Variants in PAN3 observed in about 807,000 individuals in gnomAD.
The protein encoded by PAN3 is poly(A) specific ribonuclease subunit PAN3.
Under a neutral mutation model 96.2 loss-of-function variants are expected in PAN3, and 19 were observed. The ratio of observed to expected loss-of-function variants is 0.20; its 90% CI spans 0.14 to 0.29. PAN3 has a LOEUF of 0.29. Ranked by LOEUF, PAN3 falls within the 10% of genes least tolerant of loss-of-function variation. The pLI is 1.00. For synonymous variants in PAN3, 433 were observed against 406.6 expected, an observed-to-expected ratio of 1.06 and a Z score of -0.78; for missense variants, 882 against 1,108.1, an observed-to-expected ratio of 0.80 and a Z score of 2.90.
At chr13:28,220,566 T>C (rs1429938699) in intron 6 of PAN3, among the ~76,000 whole-genome samples, 188 bp downstream of exon 6, 1 of 152,148 alleles carries the variant, frequency 6.6e-6, no homozygotes, top group African/African-American at 2.4e-5. Flanking sequence ...AATTTAAATA[T>C]GAATGAAATT....
At chr13:28,234,716 C>G (rs1202723149) in intron 6 of PAN3, among the ~76,000 whole-genome samples, 7 of 152,088 alleles carry the variant, frequency 4.6e-5, no homozygotes, top group Non-Finnish European at 1.0e-4. Flanking sequence ...AACTGATCAT[C>G]TTCCTCTTGA....
In PAN3 at chr13:28,267,176, G is replaced by A. The variant is rs1886252496; in HGVS notation, c.1655G>A (p.Arg552His). ...KIQHSNIVTL[R>H]EVFTTKAFAE... ...CAACACTCAAATATCGTAACTTTGC[G>A]TGAAGTATTTACCACTAAAGCATTT... Residue 552 changes from arginine to histidine, a missense_variant, in exon 11 of 19, where the codon CGT (arginine) becomes CAT (histidine). By Grantham distance (29) the Arg-to-His change is conservative (BLOSUM62 0). Around this residue, in one of 3 missense-constraint regions of PAN3, gnomAD observed 364 missense variants for 513.6 expected, o/e 0.71. Coordinates refer to ENST00000380958, the MANE Select transcript of PAN3 (RefSeq NM_175854.8). 8 of 1,612,980 alleles carry A rather than the reference G, an allele frequency of 5.0e-6. No homozygotes were observed. The highest frequency in any genetic ancestry group is 4.0e-5 in the African/African-American group (3 of 74,882).
At chr13:28,188,262 A>C (rs1876751880) in intron 4 of PAN3, among the ~76,000 whole-genome samples, 1 of 151,820 alleles carries the variant, frequency 6.6e-6, no homozygotes, top group Admixed American at 6.6e-5. Context: ...TTTTTTTGCA[A>C]CCTCCTCTGA....
intron 1 of PAN3, 68 bp downstream of exon 1, chr13:28,139,155 T>G: frequency 8.0e-7 from 1 of 1,245,116 alleles, no homozygotes; most frequent in Non-Finnish European, 1.0e-6. Flanking sequence ...GAGGCCCTGC[T>G]GCCGACGGGA....
At chr13:28,230,447 A>G (rs1882423246) in intron 6 of PAN3, among the ~76,000 whole-genome samples, 1 of 152,168 alleles carries the variant, frequency 6.6e-6, no homozygotes, top group Admixed American at 6.5e-5. Flanking sequence ...TGGTTCTGGA[A>G]CTAGTAATCA....
At chr13:28,179,558 T>TA (rs1201064597) in intron 4 of PAN3, among the ~76,000 whole-genome samples, 2 of 151,538 alleles carry the variant, frequency 1.3e-5, no homozygotes, top group African/African-American at 4.9e-5. Context: ...CTTATAAAAA[T>TA]AAAAAAAATT....
chr13:28,202,025 C>T (rs1566182431), intron 5 of PAN3, among the ~76,000 whole-genome samples: 1 of 152,042 alleles, frequency 6.6e-6, no homozygotes, highest in Non-Finnish European at 1.5e-5. Context: ...ATATTCCTTC[C>T]TTGCCTTCTC....
At chr13:28,215,639 A>G (rs1296069851) in intron 5 of PAN3, 24 of 1,292,158 alleles carry the variant, frequency 1.9e-5, no homozygotes, top group Non-Finnish European at 2.4e-5. Flanking sequence ...AGCTGAAGGT[A>G]AAGATTTATT....
chr13:28,289,874 T>G (rs1177114707), intron 18 of PAN3, among the ~76,000 whole-genome samples: 3 of 151,786 alleles, frequency 2.0e-5, no homozygotes, highest in Non-Finnish European at 4.4e-5. Context: ...AGAGCGAGAC[T>G]CCGTCTCAAA....
At chr13:28,158,967 GATTATT>G (rs1218460073) in intron 1 of PAN3, among the ~76,000 whole-genome samples, 1 of 151,964 alleles carries the variant, frequency 6.6e-6, no homozygotes, top group South Asian at 2.1e-4. Flanking sequence ...CAGTCAGAAT[GATTATT>G]ATTAAAAAAT....
At chr13:28,218,449 T>G (rs1317282079) in intron 5 of PAN3, among the ~76,000 whole-genome samples, 2 of 152,160 alleles carry the variant, frequency 1.3e-5, no homozygotes, top group East Asian at 3.9e-4. Flanking sequence ...AAGGAGAGTT[T>G]TAGGTCATCA....
chr13:28,164,662 A>T (rs902211298), intron 1 of PAN3, among the ~76,000 whole-genome samples: 4 of 152,244 alleles, frequency 2.6e-5, no homozygotes, highest in African/African-American at 9.6e-5. Context: ...GAAGTTGTAC[A>T]GTAAAGAAAT....
chr13:28,138,484 CCTCCCCT>C (rs1165570724), upstream of PAN3: 1 of 239,808 alleles, frequency 4.2e-6, no homozygotes, highest in African/African-American at 2.3e-5. Context: ...CCCCCTCCTC[CCTCCCCT>C]CTCCCCTCCC....
chr13:28,139,338 T>G (rs1869288743), intron 1 of PAN3, among the ~76,000 whole-genome samples: 2 of 31,518 alleles, frequency 6.3e-5, no homozygotes, highest in African/African-American at 1.3e-4. Context: ...ACTGGGGTGA[T>G]GTGAAGGGGG....
chr13:28,257,785 TAATATATAATTAATATATAAA>T, intron 7 of PAN3, among the ~76,000 whole-genome samples: 2 of 139,814 alleles, frequency 1.4e-5, no homozygotes, highest in Non-Finnish European at 3.0e-5. Flanking sequence ...AAATTATATA[TAATATATAATTAATATATAAA>T]ATTATATAAA....
chr13:28,244,168 A>G (rs1302337624), intron 6 of PAN3, among the ~76,000 whole-genome samples: 1 of 152,206 alleles, frequency 6.6e-6, no homozygotes, highest in Non-Finnish European at 1.5e-5. Flanking sequence ...CTGTAGGTTA[A>G]GCAGACTAGC....
intron 18 of PAN3, among the ~76,000 whole-genome samples, chr13:28,289,758 A>T (rs911557916): frequency 4.6e-5 from 7 of 152,036 alleles, no homozygotes; most frequent in Non-Finnish European, 5.9e-5. Flanking sequence ...GACAGGCACC[A>T]GTAGTCCCAG....
intron 7 of PAN3, among the ~76,000 whole-genome samples, chr13:28,259,150 C>CA (rs971918880): frequency 2.5e-4 from 38 of 149,510 alleles, no homozygotes; most frequent in African/African-American, 9.2e-4. Context: ...TTTTTTGAGA[C>CA]AGAGTCTTCC....
chr13:28,280,598 G>A, intron 16 of PAN3, 57 bp downstream of exon 16: 1 of 1,315,464 alleles, frequency 7.6e-7, no homozygotes, highest in Non-Finnish European at 9.7e-7. Flanking sequence ...GTCTTGCTTT[G>A]TCACCCAGGC....
Sources: allele counts gnomAD v4.1 joint callset (sites outside exome capture counted in the v4.1 genomes callset), GRCh38; gene constraint gnomAD v4.1.1; regional missense constraint gnomAD v4.1.1; transcripts MANE v1.5; gene names NCBI Gene and HGNC (gene_info 2026-07-23, HGNC 2026-07-21).